Variants in PHACTR1 observed in about 807,000 individuals in gnomAD.
The protein encoded by PHACTR1 is phosphatase and actin regulator 1, also known as RPEL repeat containing 1.
Under a neutral mutation model 69.2 loss-of-function variants are expected in PHACTR1, and 16 were observed. That is an observed-to-expected ratio of 0.23 (90% CI 0.16 to 0.35). PHACTR1 has a LOEUF of 0.35. Among genes scored for constraint, PHACTR1 ranks in the 10% least tolerant of loss-of-function variants. PHACTR1 has a pLI of 1.00. For missense variants in PHACTR1, 510 were observed against 734.7 expected, an observed-to-expected ratio of 0.69 and a Z score of 3.54; for synonymous variants, 312 against 284.5, an observed-to-expected ratio of 1.10 and a Z score of -0.97.
At chr6:13,265,494 C>T (rs1002469473) in intron 10 of PHACTR1, among the ~76,000 whole-genome samples, 11 of 152,108 alleles carry the variant, frequency 7.2e-5, no homozygotes, top group African/African-American at 1.9e-4. Flanking sequence ...AAGTTATTTT[C>T]GGAAGTAGTT....
intron 4 of PHACTR1, among the ~76,000 whole-genome samples, chr6:12,788,691 A>G (rs1401236945): frequency 6.6e-6 from 1 of 152,228 alleles, no homozygotes; most frequent in Non-Finnish European, 1.5e-5. Flanking sequence ...CTGGGTGCCC[A>G]TTGTGCCCAG....
At chr6:12,730,581 T>C (rs2127570948) in intron 3 of PHACTR1, among the ~76,000 whole-genome samples, 1 of 152,342 alleles carries the variant, frequency 6.6e-6, no homozygotes. Context: ...TTAGAGCTGG[T>C]TAAAAATAGA....
chr6:13,077,958 T>A (rs73368163), intron 5 of PHACTR1, among the ~76,000 whole-genome samples: 1,525 of 152,154 alleles, frequency 0.01, 17 homozygotes, highest in African/African-American at 0.034. Flanking sequence ...TGAATTAAGA[T>A]GAGAAAAGAA....
intron 4 of PHACTR1, among the ~76,000 whole-genome samples, chr6:12,845,136 A>G (rs542759116): frequency 6.6e-6 from 1 of 152,290 alleles, no homozygotes; most frequent in African/African-American, 2.4e-5. Flanking sequence ...ACGTTTTTCA[A>G]AATTGTGGGT....
At chr6:13,192,701 A>G (rs1763770324) in intron 7 of PHACTR1, among the ~76,000 whole-genome samples, 1 of 152,202 alleles carries the variant, frequency 6.6e-6, no homozygotes, top group South Asian at 2.1e-4. Context: ...TGAAATTGCA[A>G]AGGGCACCAA....
intron 5 of PHACTR1, among the ~76,000 whole-genome samples, chr6:13,121,792 A>G (rs1818779349): frequency 6.6e-6 from 1 of 152,176 alleles, no homozygotes; most frequent in African/African-American, 2.4e-5. Flanking sequence ...GGCTGCAGCA[A>G]TCTTCATGGA....
intron 4 of PHACTR1, among the ~76,000 whole-genome samples, chr6:13,029,458 G>C (rs1802150196): frequency 6.6e-6 from 1 of 152,198 alleles, no homozygotes; most frequent in Non-Finnish European, 1.5e-5. Flanking sequence ...GTGTGGAGGA[G>C]TGGGGCTTGG....
intron 4 of PHACTR1, among the ~76,000 whole-genome samples, chr6:12,832,230 T>C (rs1777661844): frequency 6.6e-6 from 1 of 152,098 alleles, no homozygotes; most frequent in Non-Finnish European, 1.5e-5. Flanking sequence ...AAGATAGCAG[T>C]CTGAAATTCC....
chr6:13,114,973 A>T (rs1410420951), intron 5 of PHACTR1, among the ~76,000 whole-genome samples: 3 of 152,216 alleles, frequency 2.0e-5, no homozygotes, highest in Non-Finnish European at 4.4e-5. Context: ...TTTATGTATA[A>T]GAAAACAGCC....
chr6:12,765,838 A>G (rs1342762834), intron 4 of PHACTR1, among the ~76,000 whole-genome samples: 1 of 152,182 alleles, frequency 6.6e-6, no homozygotes, highest in Admixed American at 6.5e-5. Flanking sequence ...CCTCATCAAT[A>G]TTCAACTCAT....
chr6:13,211,168 A>G (rs1455319592), intron 8 of PHACTR1, among the ~76,000 whole-genome samples: 2 of 152,036 alleles, frequency 1.3e-5, no homozygotes, highest in Non-Finnish European at 2.9e-5. Context: ...GTTTTTGGTT[A>G]CATGGATAAG....
chr6:13,278,094 T>C, intron 11 of PHACTR1, 174 bp from the exon 12 acceptor site: 1 of 537,788 alleles, frequency 1.9e-6, no homozygotes, highest in Non-Finnish European at 3.3e-6. Context: ...ACAACGCAGG[T>C]AGTTTGGAAA....
intron 4 of PHACTR1, among the ~76,000 whole-genome samples, chr6:12,882,316 A>C (rs1475033005): frequency 6.6e-6 from 1 of 152,172 alleles, no homozygotes; most frequent in Non-Finnish European, 1.5e-5. Flanking sequence ...GGACGATGAT[A>C]ATAAGAAGAG....
chr6:13,124,419 A>G (rs1207803400), intron 5 of PHACTR1, among the ~76,000 whole-genome samples: 1 of 152,216 alleles, frequency 6.6e-6, no homozygotes, highest in Admixed American at 6.5e-5. Flanking sequence ...GCATTTAGGT[A>G]TGCACATGCA....
Position 13,175,367 on chromosome 6 carries a change from C to T in PHACTR1, c.497-7152C>T, listed in dbSNP as rs550217315. On this transcript the variant is annotated intron_variant, in intron 6 of 14. Coordinates refer to ENST00000332995, the MANE Select transcript of PHACTR1 (RefSeq NM_030948.6). ...TACTTTGATCTGCAAGGAAGTCAGG[C>T]ATCATCCAACACAGTCCTTTTCTTT... Among the ~76,000 whole-genome samples the T allele has an allele frequency of 2.0e-5, 3 of 152,244 alleles. No individual in the cohort carries two copies. In the South Asian group the frequency reaches 6.2e-4, roughly 32 times the overall value.
Position 12,839,529 on chromosome 6 carries a change from G to A in PHACTR1, c.250+89739G>A, listed in dbSNP as rs532438307. Among the ~76,000 whole-genome samples the A allele has an allele frequency of 5.9e-4, 90 of 152,230 alleles. No homozygotes were observed. In the South Asian group the frequency reaches 0.018, roughly 31 times the overall value. Reference sequence around the variant, plus strand: ...GAGGTAGGCTGGCCCTTCTAGATATGTCATGGGGCCTGTGGGCTGGGTTCC... The same window carrying A: ...GAGGTAGGCTGGCCCTTCTAGATATATCATGGGGCCTGTGGGCTGGGTTCC... On this transcript the variant is annotated intron_variant, in intron 4 of 14. Coordinates refer to ENST00000332995, the MANE Select transcript of PHACTR1 (RefSeq NM_030948.6).
chr6:13,262,059 C>T (rs954417178), intron 10 of PHACTR1, among the ~76,000 whole-genome samples: 2 of 152,182 alleles, frequency 1.3e-5, no homozygotes, highest in African/African-American at 2.4e-5. Flanking sequence ...GTGATCAGAT[C>T]GGTCCCTTAG....
chr6:13,208,982 C>A (rs149413504), intron 8 of PHACTR1, among the ~76,000 whole-genome samples: 46 of 152,284 alleles, frequency 3.0e-4, no homozygotes, highest in Admixed American at 1.2e-3. Context: ...TTCTCCCTCA[C>A]TTCCCACTCG....
At chr6:13,065,216 C>A (rs936337772) in intron 5 of PHACTR1, among the ~76,000 whole-genome samples, 1 of 151,922 alleles carries the variant, frequency 6.6e-6, no homozygotes, top group Non-Finnish European at 1.5e-5. Context: ...TCATGGAAGC[C>A]CTGGGATGAA....
Sources: allele counts gnomAD v4.1 joint callset (sites outside exome capture counted in the v4.1 genomes callset), GRCh38; gene constraint gnomAD v4.1.1; transcripts MANE v1.5; gene names NCBI Gene and HGNC (gene_info 2026-07-23, HGNC 2026-07-21).